The following PARP4 variants were observed in gnomAD, a reference collection of about 807,000 sequenced individuals.
PARP4 encodes poly(ADP-ribose) polymerase family member 4, also known as protein mono-ADP-ribosyltransferase PARP4.
In PARP4, 120 loss-of-function variants were observed where a neutral mutation model predicts 187.7. That is an observed-to-expected ratio of 0.64 (90% CI 0.55 to 0.74). The LOEUF (loss-of-function observed/expected upper bound fraction) is 0.74. Ranked by LOEUF, PARP4 falls within the 30% of genes least tolerant of loss-of-function variation. PARP4 has a pLI of 0.00. For missense variants in PARP4, 1,836 were observed against 2,070.5 expected (o/e 0.89, Z 2.20); for synonymous variants, 654 against 740.9 (o/e 0.88, Z 1.90).
rs376865690 is a variant in PARP4 at position 24,435,220 on chromosome 13, T to G, written c.3921A>C (p.Pro1307=). 12 of 1,614,046 alleles carry G rather than the reference T, an allele frequency of 7.4e-6. No individual in the cohort carries two copies. The highest frequency in any genetic ancestry group is 1.0e-5 in the Non-Finnish European group (12 of 1,180,036). The change falls in exon 31 of 34, where the codon CCA becomes CCC. Residue 1307 remains proline, a synonymous_variant. Transcript: ENST00000381989. The part of the protein sequence containing the change: ...ATEPLFKKVS[P]WETSTSSFFP... ...AAAAGCTAGAAGTAGATGTTTCCCA[T>G]GGACTGACTTTCTTAAATAGTGGTT...
At chr13:24,511,106 A>T (rs964086553) in intron 1 of PARP4, among the ~76,000 whole-genome samples, 18 of 152,132 alleles carry the variant, frequency 1.2e-4, no homozygotes, top group African/African-American at 3.6e-4. Context: ...AAACATTTTA[A>T]ACATAAATCT....
At chr13:24,502,906 A>G (rs764475908) in intron 2 of PARP4, among the ~76,000 whole-genome samples, 15 of 152,204 alleles carry the variant, frequency 9.9e-5, no homozygotes, top group Non-Finnish European at 1.9e-4. Context: ...TGAGGCTCAC[A>G]ATGGCCAAGC....
chr13:24,504,088 A>T (rs1869464763), intron 1 of PARP4, among the ~76,000 whole-genome samples: 1 of 152,188 alleles, frequency 6.6e-6, no homozygotes, highest in Non-Finnish European at 1.5e-5. Flanking sequence ...ACTCCAGAAC[A>T]TGGAACCATT....
At chr13:24,486,084 T>C (rs1873535375) in intron 11 of PARP4, 84 bp downstream of exon 11, 6 of 1,254,746 alleles carry the variant, frequency 4.8e-6, no homozygotes, top group Middle Eastern at 2.0e-4. Context: ...TCACGTAATA[T>C]AGAAAAAAGT....
rs1209906906 is a variant in PARP4, at chr13:24,458,109, ATT to A, written c.2424+933_2424+934del. Reference sequence around the variant, plus strand: ...AACATGGTGAGACCCTGTCTCTACAATTTTTTTTTTTTTTTTTTGAGATGGAG... The same window carrying A: ...AACATGGTGAGACCCTGTCTCTACAATTTTTTTTTTTTTTTTGAGATGGAG... On this transcript the variant is annotated intron_variant, in intron 20 of 33. Coordinates refer to ENST00000381989, the MANE Select transcript of PARP4 (RefSeq NM_006437.4). Among the ~76,000 whole-genome samples the A allele has an allele frequency of 3.2e-3, 451 of 139,282 alleles. 2 individuals are homozygous for A. The highest frequency in any genetic ancestry group is 0.011 in the African/African-American group (409 of 37,758). 91.4% of individuals were successfully genotyped at this position (139,282 alleles called of 152,430 possible).
Position 24,499,270 on chromosome 13 carries a change from T to C in PARP4, c.477+31A>G, listed in dbSNP as rs560842132. The C allele has an allele frequency of 3.4e-6, 5 of 1,449,600 alleles. No homozygotes were observed. The South Asian group carries it at 6.4e-5, about 19-fold the overall frequency. The allele number at this position is 1,449,600 out of a possible 1,614,324, so 89.8% of individuals were successfully genotyped here. A position where few individuals can be genotyped will look rare whatever the true frequency, so the allele number is the denominator to read the frequency against. ...ACATTCAAACAGGTGTGTTTTTTTT[T>C]TTTTTTGCTAACTAGAAATCAGATT... is the stretch of plus-strand genomic sequence containing the variant. On this transcript the variant is annotated intron_variant, in intron 5 of 33. Transcript: ENST00000381989.
At chr13:24,490,530 A>G in intron 10 of PARP4, 138 bp downstream of exon 10, 2 of 698,706 alleles carry the variant, frequency 2.9e-6, no homozygotes, top group Non-Finnish European at 4.8e-6. Context: ...ACAGAGAAGA[A>G]AGTAATGTGT....
intron 6 of PARP4, among the ~76,000 whole-genome samples, chr13:24,496,698 C>A (rs1868975961): frequency 6.6e-6 from 1 of 152,180 alleles, no homozygotes; most frequent in Non-Finnish European, 1.5e-5. Flanking sequence ...GTGAGGGCCA[C>A]TCTCACGGAG....
At chr13:24,425,575 C>CTATATG (rs1870002980) in intron 33 of PARP4, among the ~76,000 whole-genome samples, 1 of 66,616 alleles carries the variant, frequency 1.5e-5, no homozygotes. Context: ...GTGTGTATAT[C>CTATATG]TATATCTATA....
Position 24,453,499 on chromosome 13 carries a change from T to A in PARP4, c.2826+88A>T, listed in dbSNP as rs1274719301. 7 of 733,998 alleles carry A rather than the reference T, an allele frequency of 9.5e-6. No homozygotes were observed. In the East Asian group the frequency reaches 1.6e-4, roughly 17 times the overall value. The allele number at this position is 733,998 out of a possible 1,614,324, so 45.5% of individuals were successfully genotyped here. A position where few individuals can be genotyped will look rare whatever the true frequency, so the allele number is the denominator to read the frequency against. Reference sequence around the variant, plus strand: ...AACCACAGGAGTAGGGGTGCTCTGATGGTGGCTTGAGTGGCCTAAGCCCTG... The same window carrying A: ...AACCACAGGAGTAGGGGTGCTCTGAAGGTGGCTTGAGTGGCCTAAGCCCTG... On this transcript the variant is annotated intron_variant, in intron 23 of 33. Transcript: ENST00000381989.
intron 12 of PARP4, among the ~76,000 whole-genome samples, chr13:24,481,871 A>G (rs1202763078): frequency 6.6e-6 from 1 of 152,130 alleles, no homozygotes; most frequent in Non-Finnish European, 1.5e-5. Flanking sequence ...CAACTCTAAA[A>G]AGAAAAAAAT....
At chr13:24,425,905 C>G (rs1367133503) in intron 33 of PARP4, among the ~76,000 whole-genome samples, 1 of 152,014 alleles carries the variant, frequency 6.6e-6, no homozygotes, top group Non-Finnish European at 1.5e-5. Context: ...CGTTTGCAGG[C>G]AAACCCTCTT....
chr13:24,428,221 T>C (rs1449357983), intron 32 of PARP4, among the ~76,000 whole-genome samples: 1 of 152,178 alleles, frequency 6.6e-6, no homozygotes, highest in East Asian at 1.9e-4. Flanking sequence ...TGAAATCCCA[T>C]CCCCTTGCAT....
In PARP4 at chr13:24,493,728, A is replaced by G. The variant is rs776620914; in HGVS notation, c.747T>C (p.Leu249=). The part of the protein sequence containing the change: ...QLASEQLQAL[L]LEEVMNSSTL... ...TGCTTGAATTCATGACTTCCTCCAA[A>G]AGCAACTACAATAATAAAATAGAAA... Residue 249 remains leucine (L), a synonymous_variant, in exon 8 of 34, where the codon CTT becomes CTC. Transcript: ENST00000381989. The G allele has an allele frequency of 1.9e-5, 30 of 1,613,084 alleles. No homozygotes were observed. The highest frequency in any genetic ancestry group is 1.8e-4 in the Admixed American group (11 of 59,714).
In PARP4 at chr13:24,475,549, G is replaced by A; in HGVS notation, c.1837C>T (p.Leu613Phe). ...ACCAAGTTCCCAGAGGCATCCTGGA[G>A]GCCGGCCTTGGTGCTGCTGGAAGTT... ...AKTSSSTKAG[L>F]QDASGNLVPL... The change falls in exon 15 of 34, where the codon CTC (leucine) becomes TTC (phenylalanine). Residue 613 changes from leucine to phenylalanine, a missense_variant. Around this residue, in one of 8 missense-constraint regions of PARP4, gnomAD observed 1,147 missense variants for 1,214.2 expected, o/e 0.94. Coordinates refer to ENST00000381989, the MANE Select transcript of PARP4 (RefSeq NM_006437.4). The A allele has an allele frequency of 6.2e-7, 1 of 1,614,036 alleles. No individual in the cohort carries two copies. The highest frequency in any genetic ancestry group is 1.3e-5 in the African/African-American group (1 of 75,056).
intron 3 of PARP4, 45 bp from the exon 4 acceptor site, chr13:24,500,427 TTAC>T: frequency 3.4e-6 from 4 of 1,181,612 alleles, no homozygotes; most frequent in Non-Finnish European, 4.9e-6. Context: ...GCCCAAAGAC[TTAC>T]TATAATTAGT....
intron 17 of PARP4, among the ~76,000 whole-genome samples, chr13:24,463,593 A>G (rs1356188009): frequency 1.3e-5 from 2 of 152,226 alleles, no homozygotes; most frequent in African/African-American, 4.8e-5. Context: ...ATACAATTCA[A>G]CATTGCTTTA....
In PARP4 at chr13:24,494,718, C is replaced by T; in HGVS notation, c.596G>A (p.Arg199Lys). 2 of 1,600,122 alleles carry T rather than the reference C, an allele frequency of 1.2e-6. No homozygotes were observed. Among genetic ancestry groups the T allele is most frequent in the Non-Finnish European group, 1.7e-6 (2 of 1,171,446 alleles). Residue 199 changes from arginine to lysine, a missense_variant, in exon 7 of 34, where the codon AGA (arginine) becomes AAA (lysine). Arg to Lys is a conservative substitution (Grantham distance 26). Around this residue, in one of 8 missense-constraint regions of PARP4, gnomAD observed 1,147 missense variants for 1,214.2 expected, o/e 0.94. Transcript: ENST00000381989. The part of the protein sequence containing the change: ...HFLLDDGMET[R>K]RQFAIKKTSE... Reference sequence around the variant, plus strand: ...GGTTTTCTTTATAGCAAACTGTCTTCTAGTCTGTGAATTATGGTGTATAGC... The same window carrying T: ...GGTTTTCTTTATAGCAAACTGTCTTTTAGTCTGTGAATTATGGTGTATAGC...
At chr13:24,427,298 A>C (rs1239039392) in intron 32 of PARP4, among the ~76,000 whole-genome samples, 1 of 152,256 alleles carries the variant, frequency 6.6e-6, no homozygotes, top group Non-Finnish European at 1.5e-5. Flanking sequence ...TGAAATATCA[A>C]AATTGAAAAA....
Sources: gnomAD v4.1 joint callset for allele counts (sites outside exome capture counted in the v4.1 genomes callset) on GRCh38, gnomAD v4.1.1 for gene constraint, gnomAD v4.1.1 regional missense constraint, MANE v1.5 for transcripts, NCBI Gene and HGNC (gene_info 2026-07-23, HGNC 2026-07-21) for gene names.